Variants in TTC7A observed in about 807,000 individuals in gnomAD.
TTC7A encodes the protein tetratricopeptide repeat domain 7A.
A neutral mutation model predicts 103.7 loss-of-function variants in TTC7A; 110 were observed. The ratio of observed to expected loss-of-function variants is 1.06; its 90% CI spans 0.91 to 1.24. The LOEUF is 1.24. Among genes scored for constraint, TTC7A ranks in the 50% most tolerant of loss-of-function variants. The pLI, the probability that TTC7A is intolerant of heterozygous loss-of-function variation, is 0.00. For missense variants in TTC7A, 1,340 were observed against 1,116.3 expected (o/e 1.20, Z -2.86); for synonymous variants, 521 against 467.9 (o/e 1.11, Z -1.47).
chr2:46,988,795 C>T (rs530104845), intron 5 of TTC7A, among the ~76,000 whole-genome samples: 2 of 152,316 alleles, frequency 1.3e-5, no homozygotes, highest in South Asian at 2.1e-4. Flanking sequence ...TGTTGTCTTT[C>T]TCAGGGGTCT....
chr2:47,018,764 A>T (rs1282776047), intron 11 of TTC7A, among the ~76,000 whole-genome samples: 1 of 152,020 alleles, frequency 6.6e-6, no homozygotes, highest in Non-Finnish European at 1.5e-5. Context: ...GCCCCATCTT[A>T]TCTCATCCTG....
At position 47,002,403 on chromosome 2, in the gene TTC7A, G is replaced by A. The variant is rs538189597; in HGVS notation, c.1066-3519G>A. ...TTTAATGTTCATGTATTACTTTAAG[G>A]GTCACAAGTGCATTCACATCTGTTA... On this transcript the variant is annotated intron_variant, in intron 8 of 19. Coordinates refer to ENST00000319190, the MANE Select transcript of TTC7A (RefSeq NM_020458.4). 1.3e-4 allele frequency among the ~76,000 whole-genome samples: 20 copies of A among 152,302 alleles called. 1 individual carries two copies. The highest frequency in any genetic ancestry group is 5.9e-4 in the Admixed American group (9 of 15,306).
chr2:47,058,329 G>C (rs1390749084), intron 18 of TTC7A, among the ~76,000 whole-genome samples: 2 of 147,364 alleles, frequency 1.4e-5, no homozygotes, highest in East Asian at 3.8e-4. Context: ...AGAAAGCGTT[G>C]TATTTTAGGA....
upstream of TTC7A, chr2:46,915,954 C>T: frequency 1.0e-6 from 1 of 985,446 alleles, no homozygotes; most frequent in Non-Finnish European, 1.2e-6. Context: ...GGGCCCAGCA[C>T]TGGCGGGACT....
At chr2:47,034,735 C>T (rs1481554955) in intron 15 of TTC7A, among the ~76,000 whole-genome samples, 2 of 152,158 alleles carry the variant, frequency 1.3e-5, no homozygotes, top group Non-Finnish European at 2.9e-5. Flanking sequence ...TGGGCAAGGC[C>T]ACCTCTTCCC....
intron 2 of TTC7A, among the ~76,000 whole-genome samples, chr2:46,953,975 T>C (rs779881103): frequency 6.6e-6 from 1 of 152,024 alleles, no homozygotes; most frequent in Non-Finnish European, 1.5e-5. Context: ...GCTCCATCTC[T>C]TGAGACCCAA....
At chr2:47,009,319 A>C (rs1677764209) in intron 10 of TTC7A, among the ~76,000 whole-genome samples, 1 of 152,004 alleles carries the variant, frequency 6.6e-6, no homozygotes, top group Admixed American at 6.6e-5. Flanking sequence ...AGAGAGAGCC[A>C]TGGGGGTGGT....
intron 2 of TTC7A, among the ~76,000 whole-genome samples, chr2:46,927,101 TCA>T (rs1287134790): frequency 6.6e-6 from 1 of 150,690 alleles, no homozygotes; most frequent in Non-Finnish European, 1.5e-5. Context: ...AGGATAAGAG[TCA>T]CAGAGAATTC....
chr2:46,980,318 C>T (rs1674316513), intron 5 of TTC7A, among the ~76,000 whole-genome samples: 1 of 150,332 alleles, frequency 6.7e-6, no homozygotes, highest in African/African-American at 2.5e-5. Context: ...GTTCTGGGCT[C>T]AGGTGATCCT....
chr2:47,069,707 TGA>T (rs1464067936), intron 19 of TTC7A, among the ~76,000 whole-genome samples: 8 of 152,176 alleles, frequency 5.3e-5, no homozygotes, highest in Non-Finnish European at 1.5e-5. Context: ...CTGACACACC[TGA>T]GAGAATCCGG....
At chr2:46,976,907 G>T (rs1673939071) in intron 4 of TTC7A, among the ~76,000 whole-genome samples, 1 of 152,220 alleles carries the variant, frequency 6.6e-6, no homozygotes, top group South Asian at 2.1e-4. Flanking sequence ...GCAAATATAG[G>T]ACTTGAGTGC....
rs1192925375 is a variant in TTC7A at position 47,009,933 on chromosome 2, G to A, written c.1288-1398G>A. ...GTGGGGGGGACAGGGGAGGGGGCGC[G>A]CAGGGAAACAGGCCGCCTTTCTGGC... On this transcript the variant is annotated intron_variant, in intron 10 of 19. Coordinates refer to ENST00000319190, the MANE Select transcript of TTC7A (RefSeq NM_020458.4). Among the ~76,000 whole-genome samples the A allele has an allele frequency of 3.3e-4, 49 of 148,880 alleles. 1 individual carries two copies. The highest frequency in any genetic ancestry group is 1.2e-3 in the African/African-American group (47 of 40,300).
At chr2:46,923,332 G>T (rs992103605) in intron 2 of TTC7A, among the ~76,000 whole-genome samples, 1 of 151,690 alleles carries the variant, frequency 6.6e-6, no homozygotes, top group South Asian at 2.1e-4. Flanking sequence ...TCACACCTTG[G>T]TCTTTCCAGT....
At chr2:47,052,042 C>T (rs963914599) in intron 18 of TTC7A, among the ~76,000 whole-genome samples, 162 bp downstream of exon 18, 2 of 152,208 alleles carry the variant, frequency 1.3e-5, no homozygotes, top group African/African-American at 4.8e-5. Flanking sequence ...CTTCTCTGCC[C>T]AGTGGAGATG....
Position 46,950,674 on chromosome 2 carries a change from A to G in TTC7A, c.348+148A>G, listed in dbSNP as rs528630643. ...CACTTACAGTAGCCACTGGCTGCACATGGCCCCTTGAGCACTTGGAGTATG... is the reference window on the plus strand; with the variant it reads ...CACTTACAGTAGCCACTGGCTGCACGTGGCCCCTTGAGCACTTGGAGTATG... On this transcript the variant is annotated intron_variant, in intron 2 of 19. Coordinates refer to ENST00000319190, the MANE Select transcript of TTC7A (RefSeq NM_020458.4). 30 of 794,406 alleles carry G rather than the reference A, an allele frequency of 3.8e-5. No individual in the cohort carries two copies. The South Asian group carries it at 5.5e-4, about 15-fold the overall frequency. The allele number at this position is 794,406 out of a possible 1,614,324, so 49.2% of individuals were successfully genotyped here.
At chr2:47,071,665 G>A (rs755254688) in intron 19 of TTC7A, among the ~76,000 whole-genome samples, 6 of 152,102 alleles carry the variant, frequency 3.9e-5, no homozygotes, top group Non-Finnish European at 5.9e-5. Flanking sequence ...CAGGGCTTCC[G>A]GCCAGCAAGC....
chr2:47,025,514 C>T (rs1409131185), intron 14 of TTC7A, among the ~76,000 whole-genome samples: 1 of 152,170 alleles, frequency 6.6e-6, no homozygotes, highest in Non-Finnish European at 1.5e-5. Flanking sequence ...CAGCCTGGCT[C>T]CTCCTCTCGT....
chr2:46,995,120 C>G lies in TTC7A; in HGVS notation c.1002-16C>G. The G allele has an allele frequency of 6.2e-7, 1 of 1,613,992 alleles. No individual in the cohort carries two copies. The highest frequency in any genetic ancestry group is 8.5e-7 in the Non-Finnish European group (1 of 1,179,892). ...AGGTGTGTGCTCTAGCCAGGCCTGT[C>G]ATTGGTGTCTTTCAGCCTCTACTGC... On this transcript the variant is annotated splice_polypyrimidine_tract_variant and intron_variant, in intron 7 of 19. Transcript: ENST00000319190.
chr2:47,027,844 G>A (rs1328705662), intron 14 of TTC7A, among the ~76,000 whole-genome samples: 5 of 150,806 alleles, frequency 3.3e-5, no homozygotes, highest in Non-Finnish European at 7.4e-5. Context: ...CTGCGTAAGG[G>A]GCTGCTATAG....
Sources: gnomAD v4.1 joint callset for allele counts (sites outside exome capture counted in the v4.1 genomes callset) on GRCh38, gnomAD v4.1.1 for gene constraint, MANE v1.5 for transcripts, NCBI Gene and HGNC (gene_info 2026-07-23, HGNC 2026-07-21) for gene names.